Variants in XKR9 observed in about 807,000 individuals in gnomAD.
XKR9 encodes the protein XK related 9.
A neutral mutation model predicts 32.0 loss-of-function variants in XKR9; 32 were observed. The observed-to-expected ratio is 1.00, with a 90% CI of 0.76 to 1.34. The LOEUF (loss-of-function observed/expected upper bound fraction) is 1.34, where lower values mean the gene tolerates loss of function less well. XKR9 is among the 40% of genes most tolerant of loss of function. The probability of loss-of-function intolerance (pLI) is 0.00; values close to 1 mark genes in which losing one functional copy is unlikely to be tolerated. For synonymous variants in XKR9, 168 were observed against 143.4 expected (o/e 1.17, Z -1.22); for missense variants, 546 against 429.7 (o/e 1.27, Z -2.39).
chr8:70,758,850 T>C (rs781280459), intron 2 of XKR9, among the ~76,000 whole-genome samples: 1 of 152,180 alleles, frequency 6.6e-6, no homozygotes, highest in South Asian at 2.1e-4. Flanking sequence ...AGCAAAGCTC[T>C]CCTTATATGG....
chr8:71,040,362 T>C, the XKR9 span, among the ~76,000 whole-genome samples: 3 of 152,220 alleles, frequency 2.0e-5, no homozygotes, highest in Middle Eastern at 3.2e-3. Flanking sequence ...AGTTGAATCA[T>C]GTAAAATTGC....
chr8:70,839,776 C>A, the XKR9 span, among the ~76,000 whole-genome samples: 2 of 152,114 alleles, frequency 1.3e-5, no homozygotes, highest in African/African-American at 4.8e-5. Flanking sequence ...GGCACAGTGG[C>A]CAGATTTTAA....
intron 4 of XKR9, among the ~76,000 whole-genome samples, chr8:70,708,605 A>G (rs1805804866): frequency 6.6e-6 from 1 of 152,118 alleles, no homozygotes; most frequent in Non-Finnish European, 1.5e-5. Context: ...TTCTGTCAGC[A>G]CATTTTTAAG....
intron 2 of XKR9, among the ~76,000 whole-genome samples, chr8:70,750,738 A>C (rs1470943608): frequency 6.6e-6 from 1 of 152,336 alleles, no homozygotes; most frequent in South Asian, 2.1e-4. Context: ...ATCTTTAACT[A>C]TCACCACAAT....
rs1426256541 is a variant in XKR9 at position 70,769,496 on chromosome 8, T to TG, written n.353-19839dup. Among the ~76,000 whole-genome samples, 4 of 152,130 alleles carry TG rather than the reference T, an allele frequency of 2.6e-5. No individual in the cohort carries two copies. In the South Asian group the frequency reaches 8.3e-4, roughly 32 times the overall value. ...TGAATGTTGGCCTGGCTTGCTAGAT[T>TG]GGGGAAGTTCTCCTGGATAATATCC... On this transcript the variant is annotated intron_variant and non_coding_transcript_variant, in intron 2 of 3. Coordinates refer to the XKR9 transcript ENST00000520273.
chr8:70,812,957 G>C, the XKR9 span, among the ~76,000 whole-genome samples: 1 of 152,080 alleles, frequency 6.6e-6, no homozygotes, highest in African/African-American at 2.4e-5. Context: ...AATTTCATAT[G>C]GAACCAAAAA....
intron 3 of XKR9, among the ~76,000 whole-genome samples, chr8:70,696,780 G>A (rs955870045): frequency 6.6e-6 from 1 of 151,362 alleles, no homozygotes; most frequent in African/African-American, 2.4e-5. Flanking sequence ...GGGCAGTATG[G>A]CCATTTTCAC....
At chr8:70,854,605 T>C in the XKR9 span, among the ~76,000 whole-genome samples, 5 of 152,218 alleles carry the variant, frequency 3.3e-5, no homozygotes, top group Non-Finnish European at 5.9e-5. Flanking sequence ...CCCATGCCTA[T>C]GTCCTGAATG....
At chr8:70,860,422 TC>T in the XKR9 span, among the ~76,000 whole-genome samples, 1 of 152,104 alleles carries the variant, frequency 6.6e-6, no homozygotes, top group African/African-American at 2.4e-5. Flanking sequence ...ATCTCAGACT[TC>T]CAGCCTTCTC....
downstream of XKR9, among the ~76,000 whole-genome samples, chr8:70,792,064 T>C (rs981972510): frequency 6.6e-6 from 1 of 152,044 alleles, no homozygotes; most frequent in Non-Finnish European, 1.5e-5. Context: ...AAAGGATCAG[T>C]TATTCGATCT....
chr8:70,896,129 T>C, the XKR9 span, among the ~76,000 whole-genome samples: 4 of 152,222 alleles, frequency 2.6e-5, no homozygotes, highest in Admixed American at 2.6e-4. Context: ...TTGTTGAGGA[T>C]TTATACATCT....
chr8:70,908,363 G>A, the XKR9 span, among the ~76,000 whole-genome samples: 14 of 152,044 alleles, frequency 9.2e-5, no homozygotes, highest in African/African-American at 3.1e-4. Context: ...AAATGATCAC[G>A]AAGTTCTGTC....
chr8:70,889,257 T>G, the XKR9 span, among the ~76,000 whole-genome samples: 114 of 152,024 alleles, frequency 7.5e-4, no homozygotes, highest in Middle Eastern at 3.4e-3. Context: ...TCCTCTAGTT[T>G]GTTGTTGGCA....
chr8:71,064,563 A>T, the XKR9 span, among the ~76,000 whole-genome samples: 1 of 152,210 alleles, frequency 6.6e-6, no homozygotes, highest in South Asian at 2.1e-4. Context: ...ATGAATCTGC[A>T]TTAGTTTTTT....
the XKR9 span, among the ~76,000 whole-genome samples, chr8:70,872,113 G>A: frequency 1.3e-5 from 2 of 152,166 alleles, no homozygotes; most frequent in African/African-American, 2.4e-5. Context: ...CTAGTTCCAT[G>A]TTCTAGTTCT....
At chr8:70,960,250 A>C in the XKR9 span, among the ~76,000 whole-genome samples, 1,429 of 75,942 alleles carry the variant, frequency 0.019, 19 homozygotes, top group African/African-American at 0.04. Context: ...CGTCCCCCCC[A>C]AAAAAAAAAA....
At chr8:71,017,105 T>C in the XKR9 span, among the ~76,000 whole-genome samples, 4 of 152,202 alleles carry the variant, frequency 2.6e-5, no homozygotes, top group Non-Finnish European at 5.9e-5. Flanking sequence ...CAATGTAATA[T>C]GTGCAGCCTT....
At chr8:70,929,659 C>T in the XKR9 span, among the ~76,000 whole-genome samples, 2 of 152,180 alleles carry the variant, frequency 1.3e-5, no homozygotes, top group Non-Finnish European at 2.9e-5. Context: ...AGGGTTTGCT[C>T]TCAGCATCTA....
rs1442390946 is a variant in XKR9 at position 70,735,085 on chromosome 8, AATT to A, written c.*665_*667del. On this transcript the variant is annotated 3_prime_UTR_variant, in exon 5 of 5. Coordinates refer to ENST00000408926, the MANE Select transcript of XKR9 (RefSeq NM_001011720.2). ...TAGTTGTATCTAAATCATATTTTAA[AATT>A]ATTTTTATTTTTAAAAAATTATGGT... The A allele has an allele frequency of 6.6e-6, 1 of 152,126 alleles. No individual in the cohort carries two copies. The highest frequency in any genetic ancestry group is 1.5e-5 in the Non-Finnish European group (1 of 68,010). The allele number at this position is 152,126 out of a possible 1,614,324, so 9.4% of individuals were successfully genotyped here.
Sources: allele counts gnomAD v4.1 joint callset (sites outside exome capture counted in the v4.1 genomes callset), GRCh38; gene constraint gnomAD v4.1.1; transcripts MANE v1.5; gene names NCBI Gene and HGNC (gene_info 2026-07-23, HGNC 2026-07-21).